ZNF436: variants seen among roughly 807,000 people sequenced by gnomAD.
ZNF436 encodes zinc finger protein 436.
In ZNF436, 22 loss-of-function variants were observed where a neutral mutation model predicts 41.9. The observed-to-expected ratio is 0.53, with a 90% CI of 0.38 to 0.75. ZNF436 has a LOEUF of 0.75. Among genes scored for constraint, ZNF436 ranks in the 30% least tolerant of loss-of-function variants. The probability of loss-of-function intolerance (pLI) is 0.00; values close to 1 mark genes in which losing one functional copy is unlikely to be tolerated. For missense variants in ZNF436, 506 were observed against 587.3 expected (o/e 0.86, Z 1.43); for synonymous variants, 217 against 197.8 (o/e 1.10, Z -0.82).
At chr1:23,367,930 TG>T (rs770516317) in intron 2 of ZNF436, 42 bp downstream of exon 2, 1 of 1,609,194 alleles carries the variant, frequency 6.2e-7, no homozygotes, top group Non-Finnish European at 8.5e-7. Context: ...CCGGACGAGG[TG>T]GGTAAGCAGA....
chr1:23,368,121 C>T (rs902439752), intron 1 of ZNF436, 56 bp from the exon 2 acceptor site: 10 of 1,217,516 alleles, frequency 8.2e-6, no homozygotes, highest in African/African-American at 1.5e-5. Flanking sequence ...TGCCCACTCC[C>T]CAGGGCTGGA....
chr1:23,362,958 G>A lies in ZNF436; in HGVS notation c.424C>T (p.His142Tyr), dbSNP rs936099841. 1.2e-6 allele frequency: 2 copies of A among 1,614,186 alleles called. No homozygotes were observed. The highest frequency in any genetic ancestry group is 1.7e-6 in the Non-Finnish European group (2 of 1,180,034). The change falls in exon 4 of 4, where the codon CAT (histidine) becomes TAT (tyrosine). Residue 142 changes from histidine (H) to tyrosine (Y), a missense_variant. This residue lies in a region of ZNF436 where 228 missense variants were observed against 215.1 expected (regional missense o/e 1.06). Transcript: ENST00000314011. ...HTGIRYHICSHCGKAFSQISD... is the reference protein window; with the variant it reads ...HTGIRYHICSYCGKAFSQISD... ...ATCTGACTGAAGGCCTTTCCACAAT[G>A]AGAACATATATGATAGCGGATGCCT... is the stretch of plus-strand genomic sequence containing the variant.
chr1:23,365,575 G>A lies in ZNF436; in HGVS notation c.160+1467C>T, dbSNP rs772341990. Among the ~76,000 whole-genome samples, 6 of 151,872 alleles carry A rather than the reference G, an allele frequency of 4.0e-5. No individual in the cohort carries two copies. The East Asian group carries it at 5.8e-4, about 15-fold the overall frequency. ...CTAAAAATACAAAAATTAGCTGAGC[G>A]TGGTGGCATGCACCTGTAATCACAG... is the stretch of plus-strand genomic sequence containing the variant. On this transcript the variant is annotated intron_variant, in intron 3 of 3. Coordinates refer to ENST00000314011, the MANE Select transcript of ZNF436 (RefSeq NM_001077195.2).
chr1:23,367,212 T>G, intron 2 of ZNF436, 44 bp from the exon 3 acceptor site: 1 of 1,535,164 alleles, frequency 6.5e-7, no homozygotes, highest in South Asian at 1.2e-5. Flanking sequence ...ATTTAGGACT[T>G]CTTGAAATTA....
intron 2 of ZNF436, among the ~76,000 whole-genome samples, 156 bp downstream of exon 2, chr1:23,367,817 G>C (rs1451022911): frequency 6.6e-6 from 1 of 152,190 alleles, no homozygotes; most frequent in Non-Finnish European, 1.5e-5. Flanking sequence ...GTTTGTTTGT[G>C]ACTATACTGG....
Position 23,369,743 on chromosome 1 carries a change from T to G in ZNF436, c.-438A>C, listed in dbSNP as rs536305713. On this transcript the variant is annotated 5_prime_UTR_variant, in exon 1 of 4. Transcript: ENST00000314011. ...CAGCTCTCCCTTTCCCCAGCCAGGA[T>G]GAGGGAATTAGACAATGGAAGTCGA... The G allele has an allele frequency of 4.9e-5, 19 of 389,030 alleles. No individual in the cohort carries two copies. Among genetic ancestry groups the G allele is most frequent in the African/African-American group, 4.0e-4 (19 of 47,496 alleles). The allele number at this position is 389,030 out of a possible 1,614,324, so 24.1% of individuals were successfully genotyped here.
In ZNF436 at chr1:23,361,844, T is replaced by C. The variant is rs894778663; in HGVS notation, c.*125A>G. 2.0e-6 allele frequency: 2 copies of C among 995,254 alleles called. No homozygotes were observed. Among genetic ancestry groups the C allele is most frequent in the African/African-American group, 1.6e-5 (1 of 61,692 alleles). The allele number at this position is 995,254 out of a possible 1,614,324, so 61.7% of individuals were successfully genotyped here. The stretch of plus-strand genomic sequence containing the variant: ...ATTTCAAATGGCTTGTCATCTCTGA[T>C]GGTTTAAATCGTGGCCCACAACTAG... On this transcript the variant is annotated 3_prime_UTR_variant, in exon 4 of 4. Transcript: ENST00000314011.
In ZNF436 at chr1:23,361,954, C is replaced by A; in HGVS notation, c.*15G>T. The A allele has an allele frequency of 6.4e-7, 1 of 1,555,460 alleles. No homozygotes were observed. On this transcript the variant is annotated 3_prime_UTR_variant, in exon 4 of 4. Coordinates refer to ENST00000314011, the MANE Select transcript of ZNF436 (RefSeq NM_001077195.2). Reference sequence around the variant, plus strand: ...ATCTTCAAATGAATCATTTCTCAGCCATCATAATTACAGCTTAGTCCGTAT... The same window carrying A: ...ATCTTCAAATGAATCATTTCTCAGCAATCATAATTACAGCTTAGTCCGTAT...
chr1:23,367,210 C>A, intron 2 of ZNF436, 42 bp from the exon 3 acceptor site: 1 of 1,534,386 alleles, frequency 6.5e-7, no homozygotes, highest in Non-Finnish European at 8.8e-7. Flanking sequence ...GTATTTAGGA[C>A]TTCTTGAAAT....
At position 23,359,715 on chromosome 1, in the gene ZNF436, T is replaced by C. The variant is rs1278919567; in HGVS notation, c.*2254A>G. The C allele has an allele frequency of 7.2e-5, 11 of 152,598 alleles. No homozygotes were observed. The highest frequency in any genetic ancestry group is 3.9e-4 in the Admixed American group (6 of 15,262). 9.5% of individuals were successfully genotyped at this position (152,598 alleles called of 1,614,324 possible). A position where few individuals can be genotyped will look rare whatever the true frequency, so the allele number is the denominator to read the frequency against. On this transcript the variant is annotated 3_prime_UTR_variant, in exon 4 of 4. Transcript: ENST00000314011. ...GTTCAACACAGCAAACGGGCAACAA[T>C]TGGCAGAAAGAGGAGACAGCTGGTG...
At position 23,362,182 on chromosome 1, in the gene ZNF436, A is replaced by G; in HGVS notation, c.1200T>C (p.Gly400=). The change falls in exon 4 of 4, where the codon GGT becomes GGC. Residue 400 remains glycine, a synonymous_variant. Transcript: ENST00000314011. The part of the protein sequence containing the change: ...YECNECWRSF[G]ERSDLIKHQR... ...GATGTTTAATTAGATCTGACCTTTC[A>G]CCAAAGCTTCGCCAACACTCATTAC... The G allele has an allele frequency of 6.2e-7, 1 of 1,613,792 alleles. No individual in the cohort carries two copies. Among genetic ancestry groups the G allele is most frequent in the Non-Finnish European group, 8.5e-7 (1 of 1,179,962 alleles).
chr1:23,368,047 AAGC>A lies in ZNF436; in HGVS notation c.-45_-43del. 6.2e-7 allele frequency: 1 copy of A among 1,613,016 alleles called. No homozygotes were observed. Among genetic ancestry groups the A allele is most frequent in the South Asian group, 1.1e-5 (1 of 91,034 alleles). ...CGCCTCCAGGGAGAGAGAGCAGGAA[AAGC>A]AGCTAGCAGACAGCGCTGAAGGAGG... On this transcript the variant is annotated 5_prime_UTR_variant, in exon 2 of 4. Transcript: ENST00000314011.
At chr1:23,367,874 C>T (rs759312216) in intron 2 of ZNF436, 99 bp downstream of exon 2, 7 of 1,397,864 alleles carry the variant, frequency 5.0e-6, no homozygotes, top group African/African-American at 1.4e-5. Context: ...CAGCGAATTA[C>T]TAATCCCAGG....
rs763536511 is a variant in ZNF436, at chr1:23,369,652, G to A, written c.-347C>T. ...TAGGCAGATCCCTGAGACCACAGAG[G>A]CTGGCCGAGAAACCACCAGCAACTA... On this transcript the variant is annotated 5_prime_UTR_variant, in exon 1 of 4. Transcript: ENST00000314011. The A allele has an allele frequency of 8.1e-6, 4 of 491,872 alleles. No individual in the cohort carries two copies. Among genetic ancestry groups the A allele is most frequent in the South Asian group, 5.9e-5 (4 of 68,282 alleles). 30.5% of individuals were successfully genotyped at this position (491,872 alleles called of 1,614,324 possible). A position where few individuals can be genotyped will look rare whatever the true frequency, so the allele number is the denominator to read the frequency against.
chr1:23,369,308 T>C (rs1638444213), intron 1 of ZNF436, 58 bp downstream of exon 1: 1 of 521,378 alleles, frequency 1.9e-6, no homozygotes. Context: ...ATGTTAGCAG[T>C]CCCTGTCCGG....
Position 23,360,727 on chromosome 1 carries a change from C to A in ZNF436, c.*1242G>T, listed in dbSNP as rs1323763334. ...TCTGGTCATTATCTTCCACAATTGA[C>A]AAACACATACAAACAAGTGCTTAGC... On this transcript the variant is annotated 3_prime_UTR_variant, in exon 4 of 4. Transcript: ENST00000314011. The A allele has an allele frequency of 1.3e-5, 2 of 152,626 alleles. No homozygotes were observed. Among genetic ancestry groups the A allele is most frequent in the Non-Finnish European group, 2.9e-5 (2 of 68,042 alleles). 9.5% of individuals were successfully genotyped at this position (152,626 alleles called of 1,614,324 possible). A position where few individuals can be genotyped will look rare whatever the true frequency, so the allele number is the denominator to read the frequency against.
At chr1:23,365,649 G>C (rs1273608419) in intron 3 of ZNF436, among the ~76,000 whole-genome samples, 1 of 151,972 alleles carries the variant, frequency 6.6e-6, no homozygotes, top group African/African-American at 2.4e-5. Flanking sequence ...AGGAGGCAGA[G>C]GTTGCAGTGA....
At chr1:23,368,641 T>C (rs746584273) in intron 1 of ZNF436, among the ~76,000 whole-genome samples, 1 of 152,210 alleles carries the variant, frequency 6.6e-6, no homozygotes, top group Non-Finnish European at 1.5e-5. Context: ...CTCGCTTTTT[T>C]CTTATGGAGA....
Position 23,362,169 on chromosome 1 carries a change from G to T in ZNF436, c.1213C>A (p.Leu405Ile). The T allele has an allele frequency of 6.2e-7, 1 of 1,614,022 alleles. No individual in the cohort carries two copies. Among genetic ancestry groups the T allele is most frequent in the Non-Finnish European group, 8.5e-7 (1 of 1,180,000 alleles). ...CWRSFGERSD[L>I]IKHQRTHTGE... ...GTGTGGGTTCTCTGATGTTTAATTA[G>T]ATCTGACCTTTCACCAAAGCTTCGC... Residue 405 changes from leucine to isoleucine, a missense_variant, in exon 4 of 4, where the codon CTA becomes ATA. Coordinates refer to ENST00000314011, the MANE Select transcript of ZNF436 (RefSeq NM_001077195.2).
Sources: allele counts gnomAD v4.1 joint callset (sites outside exome capture counted in the v4.1 genomes callset), GRCh38; gene constraint gnomAD v4.1.1; regional missense constraint gnomAD v4.1.1; transcripts MANE v1.5; gene names NCBI Gene and HGNC (gene_info 2026-07-23, HGNC 2026-07-21).